The following KIF3B variants were observed in gnomAD, a reference collection of about 807,000 sequenced individuals.
The protein encoded by KIF3B is kinesin family member 3B.
A neutral mutation model predicts 74.3 loss-of-function variants in KIF3B; 38 were observed. That is an observed-to-expected ratio of 0.51 (90% confidence interval 0.39 to 0.67). The LOEUF (loss-of-function observed/expected upper bound fraction) is 0.67. Among genes scored for constraint, KIF3B ranks in the 30% least tolerant of loss-of-function variants. The pLI, the probability that KIF3B is intolerant of heterozygous loss-of-function variation, is 0.00. For missense variants in KIF3B, 649 were observed against 932.0 expected (o/e 0.70, Z 3.95); for synonymous variants, 326 against 342.5 (o/e 0.95, Z 0.53).
At chr20:32,303,857 CAAAA>C (rs33920293) in intron 1 of KIF3B, among the ~76,000 whole-genome samples, 11 of 120,346 alleles carry the variant, frequency 9.1e-5, no homozygotes, top group Admixed American at 1.7e-4. Context: ...CTCAGTCTCA[CAAAA>C]AAAAAAAAAA....
chr20:32,316,470 A>G, intron 3 of KIF3B, 57 bp from the exon 4 acceptor site: 1 of 1,607,692 alleles, frequency 6.2e-7, no homozygotes, highest in Non-Finnish European at 8.5e-7. Context: ...TAGCTTGGGG[A>G]ACCCAGCATA....
At chr20:32,323,556 C>G (rs1303991150) in intron 5 of KIF3B, among the ~76,000 whole-genome samples, 1 of 151,862 alleles carries the variant, frequency 6.6e-6, no homozygotes, top group East Asian at 1.9e-4. Context: ...TAGTGAGCCA[C>G]CACGCCCAGC....
intron 1 of KIF3B, among the ~76,000 whole-genome samples, chr20:32,302,837 C>T (rs1397187536): frequency 2.0e-5 from 3 of 152,098 alleles, no homozygotes; most frequent in South Asian, 2.1e-4. Context: ...AATGAAAAGA[C>T]GCAGGAAACT....
At chr20:32,291,094 G>A (rs1204167062) in intron 1 of KIF3B, among the ~76,000 whole-genome samples, 3 of 152,012 alleles carry the variant, frequency 2.0e-5, no homozygotes, top group Non-Finnish European at 4.4e-5. Context: ...TGGTTACCAG[G>A]GGCTAAGGAG....
chr20:32,317,636 C>T (rs1047511678), intron 5 of KIF3B, among the ~76,000 whole-genome samples: 2 of 150,118 alleles, frequency 1.3e-5, no homozygotes, highest in African/African-American at 5.0e-5. Flanking sequence ...TATATGATCA[C>T]AGTGGTTTTT....
At chr20:32,302,724 A>G (rs2047750098) in intron 1 of KIF3B, among the ~76,000 whole-genome samples, 1 of 152,072 alleles carries the variant, frequency 6.6e-6, no homozygotes, top group Admixed American at 6.6e-5. Context: ...TTCCCAGAGG[A>G]TATCAGGGGC....
In KIF3B at chr20:32,322,469, G is replaced by A. The variant is rs536981930; in HGVS notation, c.1749-4302G>A. Among the ~76,000 whole-genome samples the A allele has an allele frequency of 1.5e-3, 226 of 148,756 alleles. 1 individual carries two copies. The highest frequency in any genetic ancestry group is 0.013 in the South Asian group (60 of 4,758). Reference sequence around the variant, plus strand: ...ACAAAAATACAGAAATTAGCCAGGCGTGGTGGCGGGTGTCTATAATCCCAG... The same window carrying A: ...ACAAAAATACAGAAATTAGCCAGGCATGGTGGCGGGTGTCTATAATCCCAG... On this transcript the variant is annotated intron_variant, in intron 5 of 8. Transcript: ENST00000375712.
chr20:32,324,750 A>G (rs913665578), intron 5 of KIF3B, among the ~76,000 whole-genome samples: 28 of 152,114 alleles, frequency 1.8e-4, no homozygotes, highest in Admixed American at 4.6e-4. Context: ...AAATGTAGGC[A>G]AGGTGCGGTG....
Position 32,334,247 on chromosome 20 carries a change from C to A in KIF3B, c.*2928C>A, listed in dbSNP as rs2047944859. 6.5e-6 allele frequency: 1 copy of A among 152,738 alleles called. No homozygotes were observed. The highest frequency in any genetic ancestry group is 1.5e-5 in the Non-Finnish European group (1 of 68,182). 9.5% of individuals were successfully genotyped at this position (152,738 alleles called of 1,614,324 possible). A position where few individuals can be genotyped will look rare whatever the true frequency, so the allele number is the denominator to read the frequency against. On this transcript the variant is annotated 3_prime_UTR_variant, in exon 9 of 9. Transcript: ENST00000375712. Reference sequence around the variant, plus strand: ...ATTTTCAAGTCACATGTCTCTCAGACCCCTGGATTCAGAACCCAAGGCCAC... The same window carrying A: ...ATTTTCAAGTCACATGTCTCTCAGAACCCTGGATTCAGAACCCAAGGCCAC...
In KIF3B at chr20:32,308,331, C is replaced by G. The variant is rs148562893; in HGVS notation, c.-65-1382C>G. Among the ~76,000 whole-genome samples the G allele has an allele frequency of 9.3e-3, 1,411 of 151,884 alleles. 60 individuals are homozygous for G. Among genetic ancestry groups the G allele is most frequent in the Admixed American group, 0.073 (1,117 of 15,278 alleles). ...CTTGAACTCCTGGGCTCAAGCAATC[C>G]TTCTTCCTCAGCCTCCTGAGTAGCT... On this transcript the variant is annotated intron_variant, in intron 1 of 8. Coordinates refer to ENST00000375712, the MANE Select transcript of KIF3B (RefSeq NM_004798.4).
chr20:32,306,016 G>A (rs1415677073), intron 1 of KIF3B, among the ~76,000 whole-genome samples: 1 of 149,968 alleles, frequency 6.7e-6, no homozygotes. Context: ...AACCCAGGAG[G>A]CAGAGGTTGC....
chr20:32,321,529 G>A (rs183986656), intron 5 of KIF3B, among the ~76,000 whole-genome samples: 2 of 151,766 alleles, frequency 1.3e-5, no homozygotes, highest in Non-Finnish European at 2.9e-5. Flanking sequence ...CTATCCTCAT[G>A]CTAGTACCAT....
At chr20:32,301,214 A>G (rs6119237) in intron 1 of KIF3B, among the ~76,000 whole-genome samples, 30,721 of 150,196 alleles carry the variant, frequency 0.2, 3,482 homozygotes, top group African/African-American at 0.3. Context: ...CAGCCTCCCA[A>G]GTACCTGGGA....
Position 32,311,157 on chromosome 20 carries a change from C to T in KIF3B, c.1380C>T (p.Ala460=), listed in dbSNP as rs369204087. ...ACCTGCGGCGGGAGAAGGATGCTGC[C>T]GAGATGCTGGGCGCCAAGATCAAGG... ...MEDLRREKDA[A]EMLGAKIKAM... is the part of the protein sequence containing the mutation. Residue 460 remains alanine (A), a synonymous_variant, in exon 2 of 9, where the codon GCC becomes GCT. Coordinates refer to ENST00000375712, the MANE Select transcript of KIF3B (RefSeq NM_004798.4). The T allele has an allele frequency of 5.9e-5, 95 of 1,610,578 alleles. No individual in the cohort carries two copies. Among genetic ancestry groups the T allele is most frequent in the Middle Eastern group, 1.7e-4 (1 of 5,868 alleles).
At chr20:32,316,477 CAT>C (rs1378610968) in intron 3 of KIF3B, 48 bp from the exon 4 acceptor site, 7 of 1,610,890 alleles carry the variant, frequency 4.3e-6, no homozygotes, top group Middle Eastern at 1.6e-4. Context: ...GGGAACCCAG[CAT>C]AGACACAGTC....
chr20:32,313,192 T>C (rs1172239145), intron 2 of KIF3B, among the ~76,000 whole-genome samples: 1 of 152,180 alleles, frequency 6.6e-6, no homozygotes, highest in Non-Finnish European at 1.5e-5. Flanking sequence ...GGCAATGCAC[T>C]ATGCCTGCAG....
chr20:32,311,806 T>C (rs922064491), intron 2 of KIF3B, among the ~76,000 whole-genome samples: 2 of 149,222 alleles, frequency 1.3e-5, no homozygotes, highest in African/African-American at 4.9e-5. Context: ...ATTTTTCTTT[T>C]TTTTTTTTTT....
chr20:32,330,538 T>C (rs896155426), intron 8 of KIF3B, among the ~76,000 whole-genome samples: 4 of 152,226 alleles, frequency 2.6e-5, no homozygotes, highest in Non-Finnish European at 5.9e-5. Context: ...AGTCCCTTAC[T>C]ATAAGGTGAA....
Position 32,323,856 on chromosome 20 carries a change from C to T in KIF3B, c.1749-2915C>T, listed in dbSNP as rs1600438366. 2.0e-5 allele frequency among the ~76,000 whole-genome samples: 3 copies of T among 151,718 alleles called. No individual in the cohort carries two copies. In the East Asian group the frequency reaches 5.9e-4, roughly 30 times the overall value. ...TTGTGCCACTGCACTCCAGCTGGGG[C>T]AACAAGAGCGAAACTCCATCTCAAA... On this transcript the variant is annotated intron_variant, in intron 5 of 8. Transcript: ENST00000375712.
Sources: allele counts gnomAD v4.1 joint callset (sites outside exome capture counted in the v4.1 genomes callset), GRCh38; gene constraint gnomAD v4.1.1; transcripts MANE v1.5; gene names NCBI Gene and HGNC (gene_info 2026-07-23, HGNC 2026-07-21).